NEDD9: variants seen among roughly 807,000 people sequenced by gnomAD.
NEDD9 encodes neural precursor cell expressed, developmentally down-regulated 9, also known as enhancer of filamentation 1.
A neutral mutation model predicts 76.6 loss-of-function variants in NEDD9; 26 were observed. The observed-to-expected ratio is 0.34, with a 90% CI of 0.25 to 0.47. The LOEUF is 0.47. NEDD9 is among the 20% of genes least tolerant of loss of function. The pLI, the probability that NEDD9 is intolerant of heterozygous loss-of-function variation, is 1.00. For missense variants in NEDD9, 937 were observed against 1,058.5 expected, an observed-to-expected ratio of 0.89 and a Z score of 1.59; for synonymous variants, 392 against 414.2, an observed-to-expected ratio of 0.95 and a Z score of 0.65.
intron 3 of NEDD9, among the ~76,000 whole-genome samples, chr6:11,260,459 G>A (rs764881817): frequency 6.6e-6 from 1 of 152,172 alleles, no homozygotes; most frequent in East Asian, 1.9e-4. Flanking sequence ...GCAAAATGGG[G>A]TTAATAGTAT....
intron 1 of NEDD9, among the ~76,000 whole-genome samples, chr6:11,214,395 A>G (rs1205855876): frequency 6.6e-6 from 1 of 152,208 alleles, no homozygotes; most frequent in African/African-American, 2.4e-5. Flanking sequence ...TTATTAACAC[A>G]TAGGTGGATG....
Position 11,232,497 on chromosome 6 carries a change from C to G in NEDD9, c.12+7G>C. 3 of 1,614,250 alleles carry G rather than the reference C, an allele frequency of 1.9e-6. No individual in the cohort carries two copies. The highest frequency in any genetic ancestry group is 2.5e-6 in the Non-Finnish European group (3 of 1,180,048). On this transcript the variant is annotated splice_region_variant and intron_variant, in intron 1 of 6. Coordinates refer to ENST00000379446, the MANE Select transcript of NEDD9 (RefSeq NM_006403.4). ...TGCAAGGTAACCTGTAAAAGGCACT[C>G]TCTTACCTTATACTTCATTTCGGCA...
intron 3 of NEDD9, among the ~76,000 whole-genome samples, chr6:11,299,543 C>T (rs928762758): frequency 6.6e-6 from 1 of 152,218 alleles, no homozygotes; most frequent in South Asian, 2.1e-4. Flanking sequence ...AACGGACAGA[C>T]TGCCTCCTCA....
chr6:11,306,487 A>G (rs115494718), intron 2 of NEDD9, among the ~76,000 whole-genome samples: 2 of 152,358 alleles, frequency 1.3e-5, no homozygotes, highest in African/African-American at 2.4e-5. Context: ...AGGAAGGTCA[A>G]TCTTGGGTGG....
chr6:11,205,249 G>A (rs534174889), intron 2 of NEDD9, among the ~76,000 whole-genome samples: 13 of 152,172 alleles, frequency 8.5e-5, no homozygotes, highest in South Asian at 2.1e-4. Flanking sequence ...TGCACCTCAC[G>A]AGGCTGTGGA....
At chr6:11,344,064 T>C (rs1479289418) in intron 1 of NEDD9, among the ~76,000 whole-genome samples, 1 of 152,194 alleles carries the variant, frequency 6.6e-6, no homozygotes, top group Non-Finnish European at 1.5e-5. Flanking sequence ...TAGGCTGCTA[T>C]CTATCACCAA....
chr6:11,336,960 C>T (rs1190831132), intron 1 of NEDD9, among the ~76,000 whole-genome samples: 1 of 152,136 alleles, frequency 6.6e-6, no homozygotes, highest in East Asian at 1.9e-4. Flanking sequence ...GTGGCTCACA[C>T]CTGTAATCTC....
intron 3 of NEDD9, among the ~76,000 whole-genome samples, chr6:11,288,910 T>C (rs1760706229): frequency 6.6e-6 from 1 of 152,268 alleles, no homozygotes; most frequent in Non-Finnish European, 1.5e-5. Flanking sequence ...ACTTCCATAA[T>C]TGACTAATTG....
chr6:11,349,438 G>T (rs1178314708), intron 1 of NEDD9, among the ~76,000 whole-genome samples: 3 of 152,148 alleles, frequency 2.0e-5, no homozygotes, highest in Non-Finnish European at 4.4e-5. Context: ...CAAAGAAATA[G>T]AAATCATTCC....
intron 2 of NEDD9, among the ~76,000 whole-genome samples, chr6:11,323,038 A>AT (rs1404288061): frequency 8.7e-6 from 1 of 114,422 alleles, no homozygotes; most frequent in Non-Finnish European, 2.0e-5. Flanking sequence ...TATAGGAGTT[A>AT]TTTTTTTCTC....
At position 11,380,478 on chromosome 6, in the gene NEDD9, G is replaced by A. The variant is rs371585094; in HGVS notation, c.-214+1661C>T. ...GAGGAGTTCATTTCTGGGAATTTTC[G>A]TCTGCCCTTTGGGCAATTACAGTTG... On this transcript the variant is annotated intron_variant, in intron 1 of 3. Coordinates refer to the NEDD9 transcript ENST00000397378. Among the ~76,000 whole-genome samples, 111 of 152,328 alleles carry A rather than the reference G, an allele frequency of 7.3e-4. 1 individual carries two copies. Among genetic ancestry groups the A allele is most frequent in the African/African-American group, 2.5e-3 (104 of 41,572 alleles).
chr6:11,363,748 G>A (rs1408927206), intron 1 of NEDD9, among the ~76,000 whole-genome samples: 2 of 152,164 alleles, frequency 1.3e-5, no homozygotes, highest in African/African-American at 4.8e-5. Flanking sequence ...CTTTTTTGGG[G>A]ATATGTGAAT....
At chr6:11,371,840 T>TA (rs35002429) in intron 1 of NEDD9, among the ~76,000 whole-genome samples, 34 of 152,162 alleles carry the variant, frequency 2.2e-4, no homozygotes, top group Non-Finnish European at 2.9e-5. Context: ...TTTTTCTTTT[T>TA]AAAAAAATTC....
chr6:11,363,115 C>T (rs1762706048), intron 1 of NEDD9, among the ~76,000 whole-genome samples: 1 of 152,296 alleles, frequency 6.6e-6, no homozygotes, highest in Middle Eastern at 3.4e-3. Context: ...CATTTCAATG[C>T]ATAGACTTTG....
At chr6:11,292,790 A>G (rs1362282264) in intron 3 of NEDD9, among the ~76,000 whole-genome samples, 1 of 152,218 alleles carries the variant, frequency 6.6e-6, no homozygotes, top group East Asian at 1.9e-4. Flanking sequence ...ACTCATGACA[A>G]GGAGGGAGGT....
At chr6:11,326,854 C>T (rs974430012) in intron 2 of NEDD9, among the ~76,000 whole-genome samples, 7 of 152,154 alleles carry the variant, frequency 4.6e-5, no homozygotes, top group Non-Finnish European at 8.8e-5. Flanking sequence ...CATTTATAGT[C>T]GCCCAAACTT....
At chr6:11,269,456 A>G (rs979208821) in intron 3 of NEDD9, among the ~76,000 whole-genome samples, 4 of 152,258 alleles carry the variant, frequency 2.6e-5, no homozygotes, top group Admixed American at 2.6e-4. Flanking sequence ...CAGAGGGGAT[A>G]TCACAGACCT....
chr6:11,275,197 G>T (rs775450815), intron 3 of NEDD9, among the ~76,000 whole-genome samples: 4 of 152,126 alleles, frequency 2.6e-5, no homozygotes, highest in Non-Finnish European at 4.4e-5. Context: ...TAAAAAAGTG[G>T]AACTCATAGA....
intron 1 of NEDD9, among the ~76,000 whole-genome samples, chr6:11,357,183 G>A (rs1762593357): frequency 6.6e-6 from 1 of 152,108 alleles, no homozygotes; most frequent in Admixed American, 6.6e-5. Context: ...GATTTGCTGG[G>A]ACATTACACA....
Sources: gnomAD v4.1 joint callset for allele counts (sites outside exome capture counted in the v4.1 genomes callset) on GRCh38, gnomAD v4.1.1 for gene constraint, MANE v1.5 for transcripts, NCBI Gene and HGNC (gene_info 2026-07-23, HGNC 2026-07-21) for gene names.